TUSC3: variants seen among roughly 807,000 people sequenced by gnomAD.
The protein encoded by TUSC3 is tumor suppressor candidate 3, also known as dolichyl-diphosphooligosaccharide--protein glycosyltransferase subunit TUSC3.
Under a neutral mutation model 44.8 loss-of-function variants are expected in TUSC3, and 45 were observed. The observed-to-expected ratio is 1.00, with a 90% CI of 0.79 to 1.29. The LOEUF (loss-of-function observed/expected upper bound fraction) is 1.29. Ranked by LOEUF, TUSC3 falls within the 50% of genes most tolerant of loss-of-function variation. The probability of loss-of-function intolerance (pLI) is 0.00; values close to 1 mark genes in which losing one functional copy is unlikely to be tolerated. For synonymous variants in TUSC3, 212 were observed against 152.9 expected (o/e 1.39, Z -2.85); for missense variants, 519 against 437.9 (o/e 1.19, Z -1.65).
chr8:15,655,853 T>C (rs1807138991), intron 3 of TUSC3, among the ~76,000 whole-genome samples: 1 of 152,176 alleles, frequency 6.6e-6, no homozygotes, highest in Admixed American at 6.5e-5. Context: ...GCCTTCCTTC[T>C]TCCCCAAACC....
chr8:15,541,496 G>A (rs1801691456), intron 1 of TUSC3, among the ~76,000 whole-genome samples: 1 of 152,186 alleles, frequency 6.6e-6, no homozygotes, highest in Non-Finnish European at 1.5e-5. Flanking sequence ...TTGGGTTTAA[G>A]ATATTAACAA....
chr8:15,831,085 C>A, the TUSC3 span, among the ~76,000 whole-genome samples: 1 of 152,116 alleles, frequency 6.6e-6, no homozygotes, highest in African/African-American at 2.4e-5. Context: ...TCAGCCCCAA[C>A]CCAGCACATT....
chr8:15,489,390 G>A lies in TUSC3; in HGVS notation n.189+5907G>A, dbSNP rs138734564. On this transcript the variant is annotated intron_variant and non_coding_transcript_variant, in intron 2 of 5. Coordinates refer to the TUSC3 transcript ENST00000503191. ...TTATGCAGATGAAGTCTCACAGATG[G>A]CCACCCTTAGAGAAAATAGATGGCA... 1.8e-3 allele frequency among the ~76,000 whole-genome samples: 280 copies of A among 152,274 alleles called. 1 individual carries two copies. The highest frequency in any genetic ancestry group is 6.3e-3 in the African/African-American group (261 of 41,562).
intron 1 of TUSC3, among the ~76,000 whole-genome samples, chr8:15,545,595 C>T (rs754856172): frequency 7.9e-5 from 12 of 151,620 alleles, no homozygotes; most frequent in South Asian, 4.2e-4. Flanking sequence ...TGTCTGTCCA[C>T]GTAAGAGATA....
At chr8:15,796,398 A>T in the TUSC3 span, among the ~76,000 whole-genome samples, 2 of 152,214 alleles carry the variant, frequency 1.3e-5, no homozygotes, top group African/African-American at 4.8e-5. Context: ...GTGGCATGCC[A>T]AACACCTAGG....
At chr8:15,663,793 G>C (rs1563160898) in intron 5 of TUSC3, among the ~76,000 whole-genome samples, 1 of 151,762 alleles carries the variant, frequency 6.6e-6, no homozygotes, top group East Asian at 1.9e-4. Flanking sequence ...AAGTGTTTTG[G>C]CTTTTTTCCA....
intron 6 of TUSC3, among the ~76,000 whole-genome samples, chr8:15,704,077 A>G (rs1434924776): frequency 6.6e-6 from 1 of 152,064 alleles, no homozygotes; most frequent in African/African-American, 2.4e-5. Context: ...ACTTTGAGAA[A>G]AGTAAAGCAG....
chr8:15,606,235 A>G (rs1363366392), intron 1 of TUSC3, among the ~76,000 whole-genome samples: 7 of 152,100 alleles, frequency 4.6e-5, no homozygotes, highest in African/African-American at 2.4e-5. Flanking sequence ...AACAGGTGAC[A>G]GAAACTTATA....
At chr8:15,525,700 CTT>C (rs1025911540) in intron 2 of TUSC3, among the ~76,000 whole-genome samples, 13 of 152,070 alleles carry the variant, frequency 8.5e-5, no homozygotes, top group Non-Finnish European at 1.6e-4. Flanking sequence ...TCTTTGAAGA[CTT>C]TTGGAGAAAC....
At chr8:15,559,384 C>G (rs1323977714) in intron 1 of TUSC3, among the ~76,000 whole-genome samples, 1 of 148,782 alleles carries the variant, frequency 6.7e-6, no homozygotes, top group East Asian at 2.0e-4. Context: ...GTTATAATTT[C>G]TGTTCTTTTA....
At chr8:15,517,935 T>C (rs181795976) in intron 2 of TUSC3, among the ~76,000 whole-genome samples, 7 of 152,092 alleles carry the variant, frequency 4.6e-5, no homozygotes, top group African/African-American at 7.2e-5. Flanking sequence ...TTTGGTACTA[T>C]CGCAACTATT....
At chr8:15,613,034 G>A (rs13256392) in intron 1 of TUSC3, among the ~76,000 whole-genome samples, 124,733 of 148,988 alleles carry the variant, frequency 0.84, 52,447 homozygotes, top group Non-Finnish European at 0.87. Context: ...TACAGCCATC[G>A]CATATCAATA....
At chr8:15,434,906 GTGCCACATT>G (rs1394157206) in intron 1 of TUSC3, among the ~76,000 whole-genome samples, 2 of 151,664 alleles carry the variant, frequency 1.3e-5, no homozygotes, top group East Asian at 3.9e-4. Context: ...TGGTGTATAT[GTGCCACATT>G]TTCTTAATCC....
At chr8:15,552,322 TTAGG>T (rs1263097079) in intron 1 of TUSC3, among the ~76,000 whole-genome samples, 3 of 151,710 alleles carry the variant, frequency 2.0e-5, no homozygotes, top group Non-Finnish European at 4.4e-5. Flanking sequence ...ATACTACATG[TTAGG>T]TAGGTACAGT....
At chr8:15,704,009 T>G (rs1809511806) in intron 6 of TUSC3, among the ~76,000 whole-genome samples, 1 of 152,118 alleles carries the variant, frequency 6.6e-6, no homozygotes. Flanking sequence ...CAAAAAGCTT[T>G]TATTTTAGCC....
At chr8:15,718,071 C>A (rs1008473856) in intron 6 of TUSC3, among the ~76,000 whole-genome samples, 2 of 152,036 alleles carry the variant, frequency 1.3e-5, no homozygotes, top group African/African-American at 2.4e-5. Flanking sequence ...AGATGTTTGA[C>A]ATAGATTGCC....
chr8:15,418,724 G>A (rs1317148638), intron 1 of TUSC3, among the ~76,000 whole-genome samples: 1 of 152,190 alleles, frequency 6.6e-6, no homozygotes, highest in African/African-American at 2.4e-5. Context: ...TTAAAGATTA[G>A]GCCAGGCACA....
the TUSC3 span, among the ~76,000 whole-genome samples, chr8:15,795,695 G>A: frequency 1.7e-4 from 26 of 152,332 alleles, no homozygotes; most frequent in South Asian, 6.2e-4. Context: ...GTTTACATTC[G>A]TTGGAGTGCC....
At chr8:15,500,739 A>G (rs1326427865) in intron 2 of TUSC3, among the ~76,000 whole-genome samples, 1 of 152,202 alleles carries the variant, frequency 6.6e-6, no homozygotes, top group African/African-American at 2.4e-5. Flanking sequence ...GTGACAGGAA[A>G]CATCAGTAGA....
Sources: allele counts gnomAD v4.1 joint callset (sites outside exome capture counted in the v4.1 genomes callset), GRCh38; gene constraint gnomAD v4.1.1; transcripts MANE v1.5; gene names NCBI Gene and HGNC (gene_info 2026-07-23, HGNC 2026-07-21).